Variants in SLC2A9 observed in about 807,000 individuals in gnomAD.
SLC2A9 encodes the protein solute carrier family 2, facilitated glucose transporter member 9.
In SLC2A9, 39 loss-of-function variants were observed where a neutral mutation model predicts 50.6. The ratio of observed to expected loss-of-function variants is 0.77; its 90% CI spans 0.60 to 1.01. The LOEUF is 1.01. SLC2A9 is among the 50% of genes least tolerant of loss of function. The pLI, the probability that SLC2A9 is intolerant of heterozygous loss-of-function variation, is 0.00. For synonymous variants in SLC2A9, 324 were observed against 276.9 expected (o/e 1.17, Z -1.69); for missense variants, 686 against 677.6 (o/e 1.01, Z -0.14).
intron 6 of SLC2A9, among the ~76,000 whole-genome samples, chr4:9,931,959 T>C (rs1448332698): frequency 1.8e-5 from 1 of 54,864 alleles, no homozygotes; most frequent in Non-Finnish European, 3.3e-5. Flanking sequence ...TCTCTCTCTC[T>C]CTCTATATAT....
In SLC2A9 at chr4:9,941,975, A is replaced by G. The variant is rs1470756514; in HGVS notation, c.752T>C (p.Phe251Ser). The stretch of plus-strand genomic sequence containing the variant: ...CAGGTAGCGTGGGCTGTCCGGGAGA[A>G]AGGGAAGGCTCAGCAGCTGGACAAC... ...PAVVQLLSLP[F>S]LPDSPRYLLL... The change falls in exon 6 of 12, where the codon TTT becomes TCT. Residue 251 changes from phenylalanine (F) to serine (S), a missense_variant. Phe to Ser is a radical substitution (Grantham distance 155). Coordinates refer to ENST00000264784, the MANE Select transcript of SLC2A9 (RefSeq NM_020041.3). 6.2e-7 allele frequency: 1 copy of G among 1,614,168 alleles called. No individual in the cohort carries two copies.
At chr4:9,947,426 C>T (rs1422607183) in intron 5 of SLC2A9, among the ~76,000 whole-genome samples, 1 of 152,294 alleles carries the variant, frequency 6.6e-6, no homozygotes, top group East Asian at 1.9e-4. Flanking sequence ...TGGGCTGAGG[C>T]TAAATCCAGC....
chr4:9,903,885 TTTATA>T (rs1740130194), intron 8 of SLC2A9, among the ~76,000 whole-genome samples: 1 of 147,542 alleles, frequency 6.8e-6, no homozygotes, highest in Non-Finnish European at 1.5e-5. Context: ...ATTTTATATA[TTTATA>T]TATTTTATAT....
chr4:9,867,570 G>A (rs900499951), intron 10 of SLC2A9, among the ~76,000 whole-genome samples: 1 of 152,212 alleles, frequency 6.6e-6, no homozygotes, highest in African/African-American at 2.4e-5. Flanking sequence ...GAGAAGCAGG[G>A]AAGATTTCTG....
At chr4:9,784,595 T>A (rs1463238176) in intron 3 of SLC2A9, among the ~76,000 whole-genome samples, 1 of 152,226 alleles carries the variant, frequency 6.6e-6, no homozygotes. Flanking sequence ...GAAATGTGAA[T>A]GAACTTGAAA....
At chr4:9,873,618 A>C (rs974764923) in intron 10 of SLC2A9, among the ~76,000 whole-genome samples, 2 of 152,190 alleles carry the variant, frequency 1.3e-5, no homozygotes, top group Non-Finnish European at 2.9e-5. Flanking sequence ...ACATGTGGTC[A>C]AGTTACCCTT....
rs536114266 is a variant in SLC2A9, at chr4:9,772,626, C to T, written n.182-1257G>A. 1.2e-3 allele frequency among the ~76,000 whole-genome samples: 186 copies of T among 152,322 alleles called. 2 individuals are homozygous for T. Among genetic ancestry groups the T allele is most frequent in the African/African-American group, 4.3e-3 (178 of 41,556 alleles). ...TGGCCCCCAGTCTGAGGCAAGGCTT[C>T]CCAGCTGACTGCAAATTATTAACAA... On this transcript the variant is annotated intron_variant and non_coding_transcript_variant, in intron 1 of 1. Transcript: ENST00000508585.
chr4:10,019,249 G>C, intron 1 of SLC2A9, 176 bp from the exon 2 acceptor site: 1 of 612,218 alleles, frequency 1.6e-6, no homozygotes, highest in Non-Finnish European at 2.9e-6. Flanking sequence ...TAGGGTTCCA[G>C]TCCAGGTCCG....
At chr4:9,968,745 A>G (rs1753435642) in intron 5 of SLC2A9, among the ~76,000 whole-genome samples, 2 of 152,228 alleles carry the variant, frequency 1.3e-5, no homozygotes, top group South Asian at 4.1e-4. Flanking sequence ...AACCAATCAC[A>G]TAGAAGGAGG....
In SLC2A9 at chr4:9,908,278, GTGACGTA is replaced by G; in HGVS notation, c.1063_1069del (p.Tyr355ProfsTer2). The G allele has an allele frequency of 6.2e-7, 1 of 1,614,086 alleles. No homozygotes were observed. The highest frequency in any genetic ancestry group is 8.5e-7 in the Non-Finnish European group (1 of 1,179,952). On this transcript the variant is annotated frameshift_variant, in exon 8 of 12. Coordinates refer to ENST00000264784, the MANE Select transcript of SLC2A9 (RefSeq NM_020041.3). LOFTEE classifies it high-confidence loss of function. ...AGTCTCGATGCCCCCTGTACTCAAG[GTGACGTA>G]TGGGATCTTTGCCGGAGGGATCCCA... is the stretch of plus-strand genomic sequence containing the variant.
At chr4:9,931,010 G>C (rs1251204356) in intron 6 of SLC2A9, among the ~76,000 whole-genome samples, 1 of 152,152 alleles carries the variant, frequency 6.6e-6, no homozygotes, top group Non-Finnish European at 1.5e-5. Context: ...GGGGTGGGAG[G>C]GGACAGAGCT....
intron 11 of SLC2A9, among the ~76,000 whole-genome samples, chr4:9,830,920 G>A (rs1304728023): frequency 1.3e-5 from 2 of 152,176 alleles, no homozygotes; most frequent in African/African-American, 4.8e-5. Context: ...GTGATGAGAA[G>A]GCTAAGGATT....
intron 10 of SLC2A9, among the ~76,000 whole-genome samples, chr4:9,868,387 C>G (rs560890591): frequency 2.6e-5 from 4 of 152,218 alleles, no homozygotes; most frequent in African/African-American, 9.7e-5. Context: ...TAATTAGAAG[C>G]CAGGTGACCT....
In SLC2A9 at chr4:9,818,645, C is replaced by T. The variant is rs375414789; in HGVS notation, n.420+7775G>A. ...CTGGGGCTGCTGGCCAAGGCCAAGG[C>T]CTAGTGGGGAAGAGTGCTCAGAGGA... On this transcript the variant is annotated intron_variant and non_coding_transcript_variant, in intron 3 of 3. Coordinates refer to the SLC2A9 transcript ENST00000503280. Among the ~76,000 whole-genome samples, 177 of 152,316 alleles carry T rather than the reference C, an allele frequency of 1.2e-3. 1 individual carries two copies. The highest frequency in any genetic ancestry group is 4.0e-3 in the African/African-American group (168 of 41,564).
intron 11 of SLC2A9, among the ~76,000 whole-genome samples, chr4:9,834,292 A>AGAAAAG (rs1726671826): frequency 6.6e-6 from 1 of 152,198 alleles, no homozygotes; most frequent in African/African-American, 2.4e-5. Flanking sequence ...TTACCACTGT[A>AGAAAAG]TCCTCATTGC....
At chr4:9,890,549 A>G in intron 9 of SLC2A9, 61 bp downstream of exon 9, 1 of 1,518,030 alleles carries the variant, frequency 6.6e-7, no homozygotes, top group South Asian at 1.1e-5. Flanking sequence ...CCCCAAAACG[A>G]TGAAGCCAGA....
intron 1 of SLC2A9, among the ~76,000 whole-genome samples, chr4:10,033,171 G>A (rs1033791831): frequency 4.6e-5 from 7 of 152,118 alleles, no homozygotes; most frequent in African/African-American, 4.8e-5. Context: ...TCACTTGCTC[G>A]AGTGTGTTAT....
chr4:9,813,709 C>T (rs550003223), intron 3 of SLC2A9, among the ~76,000 whole-genome samples: 1 of 152,264 alleles, frequency 6.6e-6, no homozygotes, highest in East Asian at 1.9e-4. Flanking sequence ...AAAGTGAACA[C>T]AGGCTTCTAT....
chr4:9,946,063 T>G (rs189366293), intron 5 of SLC2A9, among the ~76,000 whole-genome samples: 1 of 152,088 alleles, frequency 6.6e-6, no homozygotes, highest in Admixed American at 6.5e-5. Context: ...CAAAGATGAG[T>G]CTTTGTGGTG....
Sources: gnomAD v4.1 joint callset for allele counts (sites outside exome capture counted in the v4.1 genomes callset) on GRCh38, gnomAD v4.1.1 for gene constraint, MANE v1.5 for transcripts, NCBI Gene and HGNC (gene_info 2026-07-23, HGNC 2026-07-21) for gene names.